Variants in SMOC2 observed in about 807,000 individuals in gnomAD.
SMOC2 encodes SPARC-related modular calcium-binding protein 2.
SMOC2 carries 39 observed loss-of-function variants against 61.4 expected under a neutral mutation model. The observed-to-expected ratio is 0.64, with a 90% CI of 0.49 to 0.83. SMOC2 has a LOEUF of 0.83. SMOC2 is among the 40% of genes least tolerant of loss of function. SMOC2 has a pLI of 0.00. For synonymous variants in SMOC2, 247 were observed against 239.9 expected (o/e 1.03, Z -0.27); for missense variants, 556 against 592.9 (o/e 0.94, Z 0.65).
intron 7 of SMOC2, among the ~76,000 whole-genome samples, chr6:168,585,553 T>C (rs1369690614): frequency 2.0e-5 from 3 of 152,234 alleles, no homozygotes; most frequent in Non-Finnish European, 2.9e-5. Context: ...GTGCATGTTT[T>C]CATGATGCTG....
At chr6:168,449,172 C>T (rs896969151) in intron 1 of SMOC2, among the ~76,000 whole-genome samples, 13 of 152,142 alleles carry the variant, frequency 8.5e-5, no homozygotes, top group Non-Finnish European at 1.0e-4. Flanking sequence ...CAGATTGATC[C>T]GTCTTCACAT....
intron 9 of SMOC2, among the ~76,000 whole-genome samples, chr6:168,639,286 C>G (rs571349803): frequency 6.6e-6 from 1 of 152,342 alleles, no homozygotes; most frequent in Admixed American, 6.5e-5. Context: ...TAGGACCCGA[C>G]CTTCTGTTGC....
At position 168,549,038 on chromosome 6, in the gene SMOC2, G is replaced by A; in HGVS notation, c.563-91G>A. 2 of 917,396 alleles carry A rather than the reference G, an allele frequency of 2.2e-6. 1 individual carries two copies. The highest frequency in any genetic ancestry group is 2.7e-5 in the South Asian group (2 of 74,182). The allele number at this position is 917,396 out of a possible 1,614,324, so 56.8% of individuals were successfully genotyped here. ...ATGTGTGTTATGTTGATTTATTTTG[G>A]CTGTTGGACTACTTGCTGCACTGCG... On this transcript the variant is annotated intron_variant, in intron 6 of 12. Transcript: ENST00000356284.
intron 1 of SMOC2, among the ~76,000 whole-genome samples, chr6:168,499,632 A>G (rs1782678055): frequency 1.3e-5 from 2 of 152,238 alleles, no homozygotes; most frequent in East Asian, 1.9e-4. Flanking sequence ...ATTGTCTTCT[A>G]CGTGTGAAGG....
rs1193958486 is a variant in SMOC2, at chr6:168,544,621, C to G, written c.511+949C>G. Reference sequence around the variant, plus strand: ...CCAGGAGATGGAGGTTGCAGTGAGCCGAGATCACGCCACTGCACTCCAGCC... The same window carrying G: ...CCAGGAGATGGAGGTTGCAGTGAGCGGAGATCACGCCACTGCACTCCAGCC... On this transcript the variant is annotated intron_variant, in intron 5 of 12. Coordinates refer to ENST00000356284, the MANE Select transcript of SMOC2 (RefSeq NM_001166412.2). This position sits in a 1 kb window ranked among gnomAD's most constrained non-coding sequence, Gnocchi z 4.1. Among the ~76,000 whole-genome samples, 1 of 152,028 alleles carries G rather than the reference C, an allele frequency of 6.6e-6. No individual in the cohort carries two copies. Among genetic ancestry groups the G allele is most frequent in the Non-Finnish European group, 1.5e-5 (1 of 67,998 alleles).
chr6:168,539,193 C>T (rs1783819974), intron 4 of SMOC2, among the ~76,000 whole-genome samples: 1 of 152,164 alleles, frequency 6.6e-6, no homozygotes, highest in African/African-American at 2.4e-5. Context: ...ATTTCCTCCC[C>T]TGATTTTATA....
intron 11 of SMOC2, among the ~76,000 whole-genome samples, chr6:168,660,866 T>C (rs1787491919): frequency 2.0e-5 from 3 of 152,262 alleles, no homozygotes; most frequent in African/African-American, 7.2e-5. Flanking sequence ...TCTCTTCTGA[T>C]GCCATTGTCT....
chr6:168,466,448 C>T (rs1015276940), intron 1 of SMOC2, among the ~76,000 whole-genome samples: 10 of 152,122 alleles, frequency 6.6e-5, no homozygotes, highest in East Asian at 1.9e-4. Flanking sequence ...GCAGATCAGC[C>T]GCTTCTGTGG....
At chr6:168,467,922 C>T (rs945737767) in intron 1 of SMOC2, among the ~76,000 whole-genome samples, 1 of 152,106 alleles carries the variant, frequency 6.6e-6, no homozygotes, top group African/African-American at 2.4e-5. Context: ...AAAGGATTTA[C>T]AATATATGTA....
At chr6:168,620,856 C>T (rs1161270564) in intron 9 of SMOC2, among the ~76,000 whole-genome samples, 2 of 152,164 alleles carry the variant, frequency 1.3e-5, no homozygotes, top group Non-Finnish European at 2.9e-5. Flanking sequence ...CTGATAGGAG[C>T]AATTGAGTTA....
At chr6:168,626,295 G>A (rs1786407390) in intron 9 of SMOC2, among the ~76,000 whole-genome samples, 1 of 152,196 alleles carries the variant, frequency 6.6e-6, no homozygotes, top group African/African-American at 2.4e-5. Context: ...CTGTGGCTTG[G>A]GGTGTGAGGA....
At chr6:168,655,793 C>T (rs186550643) in intron 11 of SMOC2, among the ~76,000 whole-genome samples, 125 of 152,026 alleles carry the variant, frequency 8.2e-4, no homozygotes, top group African/African-American at 2.5e-3. Flanking sequence ...CCAGATTCCC[C>T]TTCATGTATG....
intron 11 of SMOC2, among the ~76,000 whole-genome samples, chr6:168,662,341 A>G (rs1235946098): frequency 6.6e-6 from 1 of 152,190 alleles, no homozygotes; most frequent in Non-Finnish European, 1.5e-5. Context: ...CTGGAACGTT[A>G]GATGGGGGCA....
intron 4 of SMOC2, among the ~76,000 whole-genome samples, chr6:168,534,271 A>G (rs1783683093): frequency 6.6e-6 from 1 of 152,238 alleles, no homozygotes; most frequent in Non-Finnish European, 1.5e-5. Context: ...GATTTGTAAA[A>G]TTTTCAATAA....
chr6:168,543,339 T>C (rs544657509), intron 4 of SMOC2, among the ~76,000 whole-genome samples: 42 of 152,324 alleles, frequency 2.8e-4, no homozygotes, highest in African/African-American at 9.4e-4. Context: ...TATGATGACA[T>C]TTTTGAGGTG....
chr6:168,519,715 C>A (rs1322865077), intron 2 of SMOC2, among the ~76,000 whole-genome samples: 1 of 152,186 alleles, frequency 6.6e-6, no homozygotes, highest in East Asian at 1.9e-4. Flanking sequence ...CTGGAAGGTT[C>A]TAGTCAGCCT....
intron 7 of SMOC2, among the ~76,000 whole-genome samples, chr6:168,586,285 A>G (rs918522858): frequency 2.0e-5 from 3 of 152,138 alleles, no homozygotes; most frequent in East Asian, 1.9e-4. Context: ...TCAAATATCA[A>G]TTGAACATAT....
intron 1 of SMOC2, among the ~76,000 whole-genome samples, chr6:168,471,832 C>T (rs1172826697): frequency 6.6e-6 from 1 of 152,158 alleles, no homozygotes; most frequent in Non-Finnish European, 1.5e-5. Context: ...TTTTATTTCC[C>T]TAATGAGTAA....
In SMOC2 at chr6:168,578,237, A is replaced by G. The variant is rs1156679194; in HGVS notation, c.638-20581A>G. On this transcript the variant is annotated intron_variant, in intron 7 of 12. Coordinates refer to ENST00000356284, the MANE Select transcript of SMOC2 (RefSeq NM_001166412.2). The stretch of plus-strand genomic sequence containing the variant: ...TCCCCTCGTCTGTGAAGTGGGGGCA[A>G]TGGGAGTCCTTTGCGAGCTGAAAGT... Among the ~76,000 whole-genome samples the G allele has an allele frequency of 2.0e-5, 3 of 152,160 alleles. No homozygotes were observed. In the East Asian group the frequency reaches 5.8e-4, roughly 29 times the overall value.
Sources: allele counts gnomAD v4.1 joint callset (sites outside exome capture counted in the v4.1 genomes callset), GRCh38; gene constraint gnomAD v4.1.1; non-coding constraint Gnocchi (gnomAD v3.1); transcripts MANE v1.5; gene names NCBI Gene and HGNC (gene_info 2026-07-23, HGNC 2026-07-21).